RIPOR2: variants seen among roughly 807,000 people sequenced by gnomAD.
The protein encoded by RIPOR2 is RHO family interacting cell polarization regulator 2.
RIPOR2 carries 39 observed loss-of-function variants against 114.5 expected under a neutral mutation model. The observed-to-expected ratio is 0.34, with a 90% CI of 0.26 to 0.44. The LOEUF (loss-of-function observed/expected upper bound fraction) is 0.44. Ranked by LOEUF, RIPOR2 falls within the 20% of genes least tolerant of loss-of-function variation. The pLI is 1.00. For missense variants in RIPOR2, 1,007 were observed against 1,255.1 expected, an observed-to-expected ratio of 0.80 and a Z score of 2.99; for synonymous variants, 445 against 484.4, an observed-to-expected ratio of 0.92 and a Z score of 1.07.
intron 1 of RIPOR2, among the ~76,000 whole-genome samples, chr6:24,935,137 A>C (rs919299587): frequency 6.6e-6 from 1 of 151,838 alleles, no homozygotes; most frequent in Non-Finnish European, 1.5e-5. Flanking sequence ...GCAAAATCCC[A>C]TCTCTACTAA....
chr6:24,898,421 A>G (rs1371520763), intron 1 of RIPOR2: 1 of 152,208 alleles, frequency 6.6e-6, no homozygotes, highest in East Asian at 1.9e-4. Flanking sequence ...TTTTCTGCAG[A>G]CAAAATCTGA....
intron 1 of RIPOR2, among the ~76,000 whole-genome samples, chr6:24,957,086 T>G (rs1424972433): frequency 1.3e-5 from 2 of 152,230 alleles, no homozygotes; most frequent in Non-Finnish European, 2.9e-5. Flanking sequence ...CTTGAAAATA[T>G]GAGGTAGCTT....
Position 24,869,135 on chromosome 6 carries a change from T to C in RIPOR2, c.460A>G (p.Ile154Val), listed in dbSNP as rs376755373. Residue 154 changes from isoleucine to valine, a missense_variant, in exon 6 of 22, where the codon ATT becomes GTT. Coordinates refer to ENST00000643898, the MANE Select transcript of RIPOR2 (RefSeq NM_001286445.3). ...LYDLDKQIKT[I>V]ERYMRRLEFH... ...TCCAGGCGTCTCATGTATCTTTCAA[T>C]TGTTTTAATTTGCTGGAATTAAAAG... 1 of 1,574,562 alleles carries C rather than the reference T, an allele frequency of 6.4e-7. No individual in the cohort carries two copies. Among genetic ancestry groups the C allele is most frequent in the Non-Finnish European group, 8.7e-7 (1 of 1,150,160 alleles).
rs1773692688 is a variant in RIPOR2, at chr6:24,969,718, C to T, written c.76+72133G>A. ...CCAACTTCACTTCCCTCCACTCTCCCCTTCACTTGTGGGGCCAGCCATACA... is the reference window on the plus strand; with the variant it reads ...CCAACTTCACTTCCCTCCACTCTCCTCTTCACTTGTGGGGCCAGCCATACA... On this transcript the variant is annotated intron_variant, in intron 1 of 13. Transcript: ENST00000510784. Among the ~76,000 whole-genome samples the T allele has an allele frequency of 2.6e-5, 4 of 152,260 alleles. No individual in the cohort carries two copies. In the South Asian group the frequency reaches 8.3e-4, roughly 32 times the overall value.
At chr6:24,957,000 T>A (rs1004916183) in intron 1 of RIPOR2, among the ~76,000 whole-genome samples, 1 of 152,250 alleles carries the variant, frequency 6.6e-6, no homozygotes, top group African/African-American at 2.4e-5. Flanking sequence ...TAAACTGTTA[T>A]CTTTGTTTCT....
intron 1 of RIPOR2, chr6:24,877,079 G>C: frequency 2.3e-5 from 23 of 985,214 alleles, no homozygotes; most frequent in Non-Finnish European, 2.8e-5. Flanking sequence ...GCAGAGTGTC[G>C]ACAATTGCCC....
At chr6:24,919,252 G>A (rs1346493554) in intron 1 of RIPOR2, among the ~76,000 whole-genome samples, 1 of 152,230 alleles carries the variant, frequency 6.6e-6, no homozygotes, top group Non-Finnish European at 1.5e-5. Flanking sequence ...AGGCTAGCAA[G>A]ACTGCTGTAA....
At chr6:24,913,304 A>C (rs936632850) in intron 1 of RIPOR2, among the ~76,000 whole-genome samples, 2 of 152,196 alleles carry the variant, frequency 1.3e-5, no homozygotes, top group African/African-American at 4.8e-5. Context: ...CTAAACAGGA[A>C]TGAAGAGGGC....
rs10587846 is a variant in RIPOR2 at position 24,956,009 on chromosome 6, C to CA, written c.77-80193dup. Among the ~76,000 whole-genome samples the CA allele has an allele frequency of 2.9e-3, 381 of 130,482 alleles. 3 individuals are homozygous for CA. Among genetic ancestry groups the CA allele is most frequent in the African/African-American group, 6.2e-3 (216 of 34,776 alleles). 85.6% of individuals were successfully genotyped at this position (130,482 alleles called of 152,430 possible). The stretch of plus-strand genomic sequence containing the variant: ...TGGGCGACAGAGTGAGACTCTGTCT[C>CA]AAAAAAAAAAAAAAAAAAATTACAA... On this transcript the variant is annotated intron_variant, in intron 1 of 13. Coordinates refer to the RIPOR2 transcript ENST00000510784.
At chr6:24,959,810 G>A (rs922577521) in intron 1 of RIPOR2, among the ~76,000 whole-genome samples, 2 of 152,128 alleles carry the variant, frequency 1.3e-5, no homozygotes, top group East Asian at 1.9e-4. Flanking sequence ...AAAACTCCAC[G>A]GGGAAGGTCT....
At chr6:24,837,233 C>G (rs982502619) in intron 14 of RIPOR2, among the ~76,000 whole-genome samples, 10 of 152,136 alleles carry the variant, frequency 6.6e-5, no homozygotes, top group African/African-American at 2.4e-4. Flanking sequence ...AGCCATTCTC[C>G]CACCTCAGCC....
At chr6:24,878,786 A>G (rs1766064420) in intron 1 of RIPOR2, among the ~76,000 whole-genome samples, 1 of 152,216 alleles carries the variant, frequency 6.6e-6, no homozygotes, top group Non-Finnish European at 1.5e-5. Context: ...TAGGCAGAAA[A>G]AAAAAGAAAA....
chr6:24,855,372 AT>A (rs574397496), intron 8 of RIPOR2, among the ~76,000 whole-genome samples: 4,696 of 95,112 alleles, frequency 0.049, 233 homozygotes, highest in African/African-American at 0.18. Context: ...ATATGACTTT[AT>A]TTTTTTTTTG....
chr6:24,954,275 A>G (rs1772924787), intron 1 of RIPOR2, among the ~76,000 whole-genome samples: 1 of 152,128 alleles, frequency 6.6e-6, no homozygotes, highest in Non-Finnish European at 1.5e-5. Flanking sequence ...CAGTGTCTTC[A>G]GATACAAACA....
intron 1 of RIPOR2, among the ~76,000 whole-genome samples, chr6:25,007,608 TA>T (rs1054978789): frequency 3.3e-5 from 5 of 152,094 alleles, no homozygotes; most frequent in African/African-American, 1.2e-4. Context: ...TTGGCCTCTC[TA>T]AAAGTCCTGT....
At chr6:25,034,209 A>T (rs1349220429) in intron 1 of RIPOR2, among the ~76,000 whole-genome samples, 1 of 145,696 alleles carries the variant, frequency 6.9e-6, no homozygotes, top group Non-Finnish European at 1.5e-5. Context: ...GTATTGTTTG[A>T]TTTTTATACA....
chr6:24,922,120 C>T (rs781674309), intron 1 of RIPOR2, among the ~76,000 whole-genome samples: 2 of 152,110 alleles, frequency 1.3e-5, no homozygotes, highest in South Asian at 2.1e-4. Flanking sequence ...CATGAGCCAC[C>T]ACGCCTGGCT....
chr6:24,893,220 C>G (rs1333689810), intron 1 of RIPOR2, among the ~76,000 whole-genome samples: 1 of 152,208 alleles, frequency 6.6e-6, no homozygotes, highest in African/African-American at 2.4e-5. Context: ...GAATTTGTTA[C>G]CTCATTTACT....
Position 24,843,476 on chromosome 6 carries a change from GGTCACTGAAGCTGAGCGACAGT to G in RIPOR2, c.1221_1242del (p.Leu408CysfsTer65). On this transcript the variant is annotated frameshift_variant, in exon 13 of 22. Coordinates refer to ENST00000643898, the MANE Select transcript of RIPOR2 (RefSeq NM_001286445.3). LOFTEE classifies it high-confidence loss of function. ...GTGAGGGCGCAGTCCCCGTTGGGCA[GGTCACTGAAGCTGAGCGACAGT>G]GGCATTTTCTCCTCGGCTGCCTTTC... 1.3e-6 allele frequency: 2 copies of G among 1,592,266 alleles called. No homozygotes were observed. The highest frequency in any genetic ancestry group is 1.7e-6 in the Non-Finnish European group (2 of 1,164,956).
Sources: allele counts gnomAD v4.1 joint callset (sites outside exome capture counted in the v4.1 genomes callset), GRCh38; gene constraint gnomAD v4.1.1; transcripts MANE v1.5; gene names NCBI Gene and HGNC (gene_info 2026-07-23, HGNC 2026-07-21).